Variants in LAMA2 observed in about 807,000 individuals in gnomAD.
LAMA2 encodes the protein laminin subunit alpha-2.
A neutral mutation model predicts 364.8 loss-of-function variants in LAMA2; 269 were observed. That is an observed-to-expected ratio of 0.74 (90% CI 0.67 to 0.82). The LOEUF is 0.82. Ranked by LOEUF, LAMA2 falls within the 40% of genes least tolerant of loss-of-function variation. The probability of loss-of-function intolerance (pLI) is 0.00; values close to 1 mark genes in which losing one functional copy is unlikely to be tolerated. For missense variants in LAMA2, 3,807 were observed against 3,873.2 expected (o/e 0.98, Z 0.45); for synonymous variants, 1,379 against 1,370.6 (o/e 1.01, Z -0.14).
intron 1 of LAMA2, among the ~76,000 whole-genome samples, chr6:128,970,910 C>T (rs1028891722): frequency 6.6e-6 from 1 of 152,182 alleles, no homozygotes; most frequent in African/African-American, 2.4e-5. Context: ...TGACATTTCT[C>T]TTAAAGCGGA....
intron 1 of LAMA2, among the ~76,000 whole-genome samples, chr6:128,945,160 G>T (rs949988824): frequency 4.6e-5 from 7 of 152,208 alleles, no homozygotes; most frequent in African/African-American, 1.7e-4. Context: ...TCAGTAAGAA[G>T]AAGTATAGTC....
chr6:129,173,018 G>A (rs772017503), intron 9 of LAMA2, among the ~76,000 whole-genome samples: 10 of 152,206 alleles, frequency 6.6e-5, no homozygotes, highest in South Asian at 4.1e-4. Context: ...GCAATGCCTC[G>A]CCCTGCTTCG....
At chr6:129,034,403 C>T (rs968993855) in intron 1 of LAMA2, among the ~76,000 whole-genome samples, 1 of 152,054 alleles carries the variant, frequency 6.6e-6, no homozygotes, top group African/African-American at 2.4e-5. Flanking sequence ...TTTTGTCCTT[C>T]CTGATGTAGC....
intron 3 of LAMA2, among the ~76,000 whole-genome samples, chr6:129,068,116 CA>C (rs1407680554): frequency 1.3e-5 from 2 of 152,156 alleles, no homozygotes; most frequent in African/African-American, 4.8e-5. Context: ...AGGAAGCATT[CA>C]ATGTGTTTGT....
chr6:129,390,916 G>C (rs1779281375), intron 35 of LAMA2, among the ~76,000 whole-genome samples: 1 of 152,094 alleles, frequency 6.6e-6, no homozygotes, highest in African/African-American at 2.4e-5. Context: ...GCTATTGCTG[G>C]AAAGTGTCCT....
At chr6:129,227,069 AT>A (rs1347348580) in intron 12 of LAMA2, among the ~76,000 whole-genome samples, 14 of 151,738 alleles carry the variant, frequency 9.2e-5, no homozygotes. Flanking sequence ...TTCTCACTTC[AT>A]TTCATTCATT....
chr6:129,148,983 C>A lies in LAMA2; in HGVS notation c.914C>A (p.Ser305Tyr). Reference sequence around the variant, plus strand: ...TTCCTCCCTCTTTTTGACTAGAAATCTCGCTGTGAGTGTGAGCATAACACA... The same window carrying A: ...TTCCTCCCTCTTTTTGACTAGAAATATCGCTGTGAGTGTGAGCATAACACA... Reference protein sequence around the residue: ...ACPLDPATNKSRCECEHNTCG... With the variant: ...ACPLDPATNKYRCECEHNTCG... The change falls in exon 7 of 65, where the codon TCT (serine) becomes TAT (tyrosine). Residue 305 changes from serine to tyrosine, a missense_variant. By Grantham distance (144) the Ser-to-Tyr change is moderately radical. Transcript: ENST00000421865. 6.2e-7 allele frequency: 1 copy of A among 1,610,538 alleles called. No homozygotes were observed. Among genetic ancestry groups the A allele is most frequent in the East Asian group, 2.2e-5 (1 of 44,856 alleles).
intron 29 of LAMA2, among the ~76,000 whole-genome samples, chr6:129,335,454 T>A (rs1775905162): frequency 1.3e-5 from 2 of 151,740 alleles, no homozygotes; most frequent in Admixed American, 6.6e-5. Flanking sequence ...AGATTATTTC[T>A]CCTATTTTTT....
intron 40 of LAMA2, among the ~76,000 whole-genome samples, chr6:129,417,207 T>A (rs972436402): frequency 6.6e-6 from 1 of 152,120 alleles, no homozygotes; most frequent in African/African-American, 2.4e-5. Flanking sequence ...CCTGGAAGAA[T>A]GAGGTTTGCA....
At chr6:129,005,162 C>T (rs1446200398) in intron 1 of LAMA2, among the ~76,000 whole-genome samples, 1 of 151,722 alleles carries the variant, frequency 6.6e-6, no homozygotes, top group Admixed American at 6.6e-5. Context: ...GGTTTCTTTC[C>T]CAAAGCTTAT....
At position 129,038,039 on chromosome 6, in the gene LAMA2, T is replaced by C. The variant is rs73773647; in HGVS notation, c.113-11879T>C. Among the ~76,000 whole-genome samples the C allele has an allele frequency of 4.3e-3, 657 of 152,324 alleles. 4 individuals are homozygous for C. Among genetic ancestry groups the C allele is most frequent in the African/African-American group, 0.015 (624 of 41,558 alleles). ...AAAGATGTGAGCTAGATAGAGGTCA[T>C]TTTAAAATGATGATTTATCAAATTT... is the stretch of plus-strand genomic sequence containing the variant. On this transcript the variant is annotated intron_variant, in intron 1 of 64. Transcript: ENST00000421865.
chr6:129,274,789 A>G (rs1788187308), intron 17 of LAMA2, among the ~76,000 whole-genome samples: 1 of 152,014 alleles, frequency 6.6e-6, no homozygotes, highest in South Asian at 2.1e-4. Context: ...GAAGCAAATA[A>G]CAATGTAACT....
At chr6:128,921,924 T>C (rs1321147015) in intron 1 of LAMA2, among the ~76,000 whole-genome samples, 2 of 146,766 alleles carry the variant, frequency 1.4e-5, no homozygotes, top group Non-Finnish European at 3.0e-5. Context: ...GTTCTCATTG[T>C]TCAATTCCCA....
chr6:129,053,788 G>A (rs1788265018), intron 2 of LAMA2, among the ~76,000 whole-genome samples: 1 of 152,182 alleles, frequency 6.6e-6, no homozygotes, highest in Non-Finnish European at 1.5e-5. Context: ...AATGAATGAT[G>A]AAGAAGAAGA....
intron 6 of LAMA2, among the ~76,000 whole-genome samples, chr6:129,147,474 A>G (rs1038566256): frequency 1.3e-5 from 2 of 151,888 alleles, no homozygotes; most frequent in Non-Finnish European, 2.9e-5. Context: ...GAACAGGAGG[A>G]TAAAATAGGG....
intron 1 of LAMA2, among the ~76,000 whole-genome samples, chr6:128,923,774 T>C (rs2114495125): frequency 6.6e-6 from 1 of 152,262 alleles, no homozygotes; most frequent in Middle Eastern, 3.4e-3. Flanking sequence ...AATCTTAGCA[T>C]TATAGAGGTT....
Position 129,055,176 on chromosome 6 carries a change from T to TGTATTATTATTTA in LAMA2, c.284-4608_284-4607insGTATTATTATTTA, listed in dbSNP as rs1554207593. On this transcript the variant is annotated intron_variant, in intron 2 of 64. Transcript: ENST00000421865. ...CTGGATTTACTTTACATTATTATTA[T>TGTATTATTATTTA]TTATTATTATTATTATTATTATTAT... Among the ~76,000 whole-genome samples the TGTATTATTATTTA allele has an allele frequency of 3.5e-3, 433 of 123,744 alleles. 1 individual carries two copies. Among genetic ancestry groups the TGTATTATTATTTA allele is most frequent in the Non-Finnish European group, 5.3e-3 (319 of 60,318 alleles). 81.2% of individuals were successfully genotyped at this position (123,744 alleles called of 152,430 possible).
intron 12 of LAMA2, among the ~76,000 whole-genome samples, chr6:129,195,025 G>A (rs1222641323): frequency 1.3e-5 from 2 of 152,312 alleles, no homozygotes; most frequent in East Asian, 1.9e-4. Flanking sequence ...AGATACAAGT[G>A]CATCTGCTTA....
intron 4 of LAMA2, among the ~76,000 whole-genome samples, chr6:129,102,046 A>G (rs1225326797): frequency 1.3e-5 from 2 of 151,930 alleles, no homozygotes; most frequent in South Asian, 2.1e-4. Context: ...AAATATTGCT[A>G]TTAAAGTTAT....
Sources: gnomAD v4.1 joint callset for allele counts (sites outside exome capture counted in the v4.1 genomes callset) on GRCh38, gnomAD v4.1.1 for gene constraint, MANE v1.5 for transcripts, NCBI Gene and HGNC (gene_info 2026-07-23, HGNC 2026-07-21) for gene names.